FUT8: variants seen among roughly 807,000 people sequenced by gnomAD.
FUT8 encodes alpha-(1,6)-fucosyltransferase.
Under a neutral mutation model 71.3 loss-of-function variants are expected in FUT8, and 29 were observed. The ratio of observed to expected loss-of-function variants is 0.41; its 90% CI spans 0.30 to 0.55. FUT8 has a LOEUF of 0.55. FUT8 is among the 20% of genes least tolerant of loss of function. The pLI, the probability that FUT8 is intolerant of heterozygous loss-of-function variation, is 0.34. For missense variants in FUT8, 544 were observed against 702.1 expected, an observed-to-expected ratio of 0.77 and a Z score of 2.55; for synonymous variants, 254 against 239.3, an observed-to-expected ratio of 1.06 and a Z score of -0.57.
rs745805077 is a variant in FUT8, at chr14:65,742,229, G to A, written c.1547G>A (p.Arg516Gln). 2.5e-5 allele frequency: 41 copies of A among 1,612,998 alleles called. No individual in the cohort carries two copies. Among genetic ancestry groups the A allele is most frequent in the Non-Finnish European group, 2.9e-5 (34 of 1,179,386 alleles). ...ATTGCCATTTATGCTCACCAACCCC[G>A]AACTGCAGATGAAATTCCCATGGAA... ...NQIAIYAHQP[R>Q]TADEIPMEPG... is the part of the protein sequence containing the mutation. Residue 516 changes from arginine to glutamine, a missense_variant, in exon 11 of 11, where the codon CGA becomes CAA. Transcript: ENST00000673929.
the FUT8 span, among the ~76,000 whole-genome samples, chr14:65,383,178 ACATGCTAGTAGAGAGAT>A: frequency 3.8e-4 from 57 of 150,260 alleles, 2 homozygotes; most frequent in South Asian, 4.9e-3. Context: ...TCCATCTTTC[ACATGCTAGTAGAGAGAT>A]CTTTCTGGAA....
At chr14:65,578,715 G>C (rs1287475124) in intron 3 of FUT8, among the ~76,000 whole-genome samples, 3 of 152,154 alleles carry the variant, frequency 2.0e-5, no homozygotes, top group African/African-American at 7.2e-5. Flanking sequence ...TTGGAGATCA[G>C]TATTCTAGGC....
Position 65,673,352 on chromosome 14 carries a change from T to G in FUT8, c.835+3872T>G, listed in dbSNP as rs566962698. Among the ~76,000 whole-genome samples, 3 of 152,350 alleles carry G rather than the reference T, an allele frequency of 2.0e-5. No individual in the cohort carries two copies. In the South Asian group the frequency reaches 6.2e-4, roughly 32 times the overall value. On this transcript the variant is annotated intron_variant, in intron 7 of 10. Transcript: ENST00000673929. ...TATTTGCTAGATACCTATGCTGTACTACATGAAGACAGACACAGTCTCTTT... is the reference window on the plus strand; with the variant it reads ...TATTTGCTAGATACCTATGCTGTACGACATGAAGACAGACACAGTCTCTTT...
At chr14:65,610,178 G>A (rs976861482) in intron 3 of FUT8, among the ~76,000 whole-genome samples, 1 of 151,850 alleles carries the variant, frequency 6.6e-6, no homozygotes, top group Non-Finnish European at 1.5e-5. Flanking sequence ...CAATTTGAAT[G>A]CCTTTGTTTC....
At chr14:65,712,148 A>G (rs975115126) in intron 7 of FUT8, among the ~76,000 whole-genome samples, 2 of 152,170 alleles carry the variant, frequency 1.3e-5, no homozygotes, top group Non-Finnish European at 2.9e-5. Context: ...AACTTAGTAC[A>G]TTTTATGGTA....
intron 10 of FUT8, 139 bp downstream of exon 10, chr14:65,733,520 C>A: frequency 1.8e-6 from 1 of 551,774 alleles, no homozygotes; most frequent in Non-Finnish European, 3.1e-6. Flanking sequence ...CAGTAATGAT[C>A]CCTTTTGTGA....
the FUT8 span, among the ~76,000 whole-genome samples, chr14:65,398,912 T>C: frequency 6.6e-6 from 1 of 152,186 alleles, no homozygotes; most frequent in Non-Finnish European, 1.5e-5. Context: ...TGGGATACAG[T>C]CAAGGAAGGA....
rs1344272232 is a variant in FUT8, at chr14:65,602,487, G to A, written c.204-13491G>A. Among the ~76,000 whole-genome samples, 4 of 150,684 alleles carry A rather than the reference G, an allele frequency of 2.7e-5. No homozygotes were observed. The East Asian group carries it at 7.8e-4, about 29-fold the overall frequency. ...ATTGTGCTGCTATAAACATGCATGT[G>A]CAAGTATCTTTTTCGTATAATGACT... is the stretch of plus-strand genomic sequence containing the variant. On this transcript the variant is annotated intron_variant, in intron 3 of 10. Transcript: ENST00000673929.
rs151186944 is a variant in FUT8 at position 65,506,693 on chromosome 14, G to A, written c.-228+50975G>A. ...TATGTATTTATGGGATACATGAGAT[G>A]TTTTGACACAGGCGTGCAATGTGTA... is the stretch of plus-strand genomic sequence containing the variant. On this transcript the variant is annotated intron_variant, in intron 2 of 10. Coordinates refer to ENST00000673929, the MANE Select transcript of FUT8 (RefSeq NM_001371533.1). 2.9e-3 allele frequency among the ~76,000 whole-genome samples: 436 copies of A among 152,264 alleles called. 5 individuals carry two copies. Among genetic ancestry groups the A allele is most frequent in the African/African-American group, 9.5e-3 (396 of 41,552 alleles).
At chr14:65,702,533 G>A (rs1312347334) in intron 7 of FUT8, among the ~76,000 whole-genome samples, 1 of 152,084 alleles carries the variant, frequency 6.6e-6, no homozygotes, top group East Asian at 1.9e-4. Flanking sequence ...TATGTTAGAA[G>A]CATCTTATAG....
At position 65,603,292 on chromosome 14, in the gene FUT8, T is replaced by G. The variant is rs1888403043; in HGVS notation, c.204-12686T>G. On this transcript the variant is annotated intron_variant, in intron 3 of 10. Transcript: ENST00000673929. The surrounding 1 kb of genome is among the most constrained non-coding windows in gnomAD (Gnocchi z 4.5). Reference sequence around the variant, plus strand: ...TCGAAGATCAGTTGGCTGTAAGTATTTGGGTTTTTTTCTGGGTTCTCTATT... The same window carrying G: ...TCGAAGATCAGTTGGCTGTAAGTATGTGGGTTTTTTTCTGGGTTCTCTATT... 6.6e-6 allele frequency among the ~76,000 whole-genome samples: 1 copy of G among 151,760 alleles called. No individual in the cohort carries two copies. Among genetic ancestry groups the G allele is most frequent in the African/African-American group, 2.4e-5 (1 of 41,372 alleles).
chr14:65,366,706 C>G, the FUT8 span, among the ~76,000 whole-genome samples: 1 of 152,222 alleles, frequency 6.6e-6, no homozygotes, highest in East Asian at 1.9e-4. Flanking sequence ...ATCTTAGAGC[C>G]CTGGGAAATG....
At chr14:65,466,793 A>G (rs1289808369) in intron 2 of FUT8, among the ~76,000 whole-genome samples, 1 of 152,114 alleles carries the variant, frequency 6.6e-6, no homozygotes, top group Non-Finnish European at 1.5e-5. Flanking sequence ...TTGTTGCCCC[A>G]CAGTTTGCAA....
chr14:65,523,655 A>G lies in FUT8; in HGVS notation c.-227-37682A>G, dbSNP rs538273828. On this transcript the variant is annotated intron_variant, in intron 2 of 10. Coordinates refer to ENST00000673929, the MANE Select transcript of FUT8 (RefSeq NM_001371533.1). The stretch of plus-strand genomic sequence containing the variant: ...CAGAATGAAGTATTTGCCCATGCCT[A>G]TATCCTAAATGGTATCGCCTAGGTT... Among the ~76,000 whole-genome samples, 7 of 152,326 alleles carry G rather than the reference A, an allele frequency of 4.6e-5. No homozygotes were observed. In the East Asian group the frequency reaches 5.8e-4, roughly 13 times the overall value.
chr14:65,723,656 T>C (rs550200390), intron 8 of FUT8, among the ~76,000 whole-genome samples: 11 of 152,330 alleles, frequency 7.2e-5, no homozygotes, highest in Admixed American at 7.2e-4. Context: ...ACTTTTAAGT[T>C]CTACAAGCTG....
At chr14:65,431,498 AGGCTGGGTT>A (rs2065474772) in intron 1 of FUT8, among the ~76,000 whole-genome samples, 1 of 151,172 alleles carries the variant, frequency 6.6e-6, no homozygotes, top group African/African-American at 2.4e-5. Context: ...TTTTTTGTAG[AGGCTGGGTT>A]TTGCCACATT....
At chr14:65,403,521 G>A in the FUT8 span, among the ~76,000 whole-genome samples, 1 of 152,200 alleles carries the variant, frequency 6.6e-6, no homozygotes, top group Non-Finnish European at 1.5e-5. Context: ...GATCAAGACA[G>A]ATAGGCAGGA....
intron 2 of FUT8, among the ~76,000 whole-genome samples, chr14:65,486,913 T>TC (rs1275270239): frequency 4.6e-5 from 7 of 152,198 alleles, no homozygotes; most frequent in Non-Finnish European, 7.4e-5. Flanking sequence ...ATTGCATATT[T>TC]CCCTAGTGAT....
chr14:65,372,299 T>G, the FUT8 span, among the ~76,000 whole-genome samples: 2 of 152,156 alleles, frequency 1.3e-5, no homozygotes, highest in Non-Finnish European at 2.9e-5. Context: ...TTCCAACGCT[T>G]CTAGTAAATT....
Sources: gnomAD v4.1 joint callset for allele counts (sites outside exome capture counted in the v4.1 genomes callset) on GRCh38, gnomAD v4.1.1 for gene constraint, Gnocchi (gnomAD v3.1) non-coding constraint, MANE v1.5 for transcripts, NCBI Gene and HGNC (gene_info 2026-07-23, HGNC 2026-07-21) for gene names.